Variants in AAK1 observed in about 807,000 individuals in gnomAD.
The protein encoded by AAK1 is AP2 associated kinase 1.
Under a neutral mutation model 116.0 loss-of-function variants are expected in AAK1, and 37 were observed. The ratio of observed to expected loss-of-function variants is 0.32; its 90% confidence interval spans 0.25 to 0.42. AAK1 has a LOEUF of 0.42. AAK1 is among the 10% of genes least tolerant of loss of function. The pLI is 1.00. For synonymous variants in AAK1, 458 were observed against 439.9 expected, an observed-to-expected ratio of 1.04 and a Z score of -0.51; for missense variants, 919 against 1,170.6, an observed-to-expected ratio of 0.79 and a Z score of 3.14.
intron 2 of AAK1, among the ~76,000 whole-genome samples, chr2:69,579,463 C>A (rs973722472): frequency 2.0e-5 from 3 of 152,150 alleles, no homozygotes; most frequent in Non-Finnish European, 4.4e-5. Context: ...CCTAGAGACC[C>A]AACTACTCAG....
intron 2 of AAK1, among the ~76,000 whole-genome samples, chr2:69,627,153 G>A (rs1355692259): frequency 6.6e-6 from 1 of 152,090 alleles, no homozygotes; most frequent in Non-Finnish European, 1.5e-5. Flanking sequence ...GCTAGGCGTG[G>A]TGGCGGGCGC....
At chr2:69,558,307 G>T (rs1671478614) in intron 2 of AAK1, among the ~76,000 whole-genome samples, 1 of 146,858 alleles carries the variant, frequency 6.8e-6, no homozygotes, top group South Asian at 2.1e-4. Flanking sequence ...CTGCGCCACT[G>T]AACTCCAGCC....
intron 10 of AAK1, among the ~76,000 whole-genome samples, chr2:69,523,485 T>C (rs1669879941): frequency 6.6e-6 from 1 of 152,262 alleles, no homozygotes; most frequent in Non-Finnish European, 1.5e-5. Context: ...AGGTGTTATT[T>C]GACTGTTCAA....
Position 69,643,084 on chromosome 2 carries a change from G to C in AAK1, c.-44C>G. On this transcript the variant is annotated 5_prime_UTR_variant, in exon 2 of 22. The change creates a new upstream start codon in the 5' untranslated region. Transcript: ENST00000409085. ...CAAAGCAAAATACCGATGGTTTCTA[G>C]ATTTTTTTTTTTTTTTTTTTTTTTT... is the stretch of plus-strand genomic sequence containing the variant. 2.8e-6 allele frequency: 3 copies of C among 1,057,318 alleles called. No homozygotes were observed. The highest frequency in any genetic ancestry group is 3.7e-6 in the Non-Finnish European group (3 of 820,812). 65.5% of individuals were successfully genotyped at this position (1,057,318 alleles called of 1,614,324 possible).
chr2:69,625,244 A>G (rs774543061), intron 2 of AAK1, among the ~76,000 whole-genome samples: 1 of 152,234 alleles, frequency 6.6e-6, no homozygotes, highest in African/African-American at 2.4e-5. Context: ...GATTAAAAGC[A>G]GCAAATTAGA....
At chr2:69,625,925 AATTCAACTCC>A (rs1674876168) in intron 2 of AAK1, among the ~76,000 whole-genome samples, 10 of 152,078 alleles carry the variant, frequency 6.6e-5, no homozygotes, top group Admixed American at 6.5e-4. Context: ...TCTTAAATCC[AATTCAACTCC>A]ATTCACAGCA....
At chr2:69,527,098 C>T (rs982339421) in intron 9 of AAK1, 118 bp downstream of exon 9, 1 of 704,552 alleles carries the variant, frequency 1.4e-6, no homozygotes, top group South Asian at 1.8e-5. Flanking sequence ...TGCTTGACTA[C>T]CCCCAGTAGA....
At chr2:69,494,650 C>G (rs949984427) in intron 17 of AAK1, among the ~76,000 whole-genome samples, 2 of 151,976 alleles carry the variant, frequency 1.3e-5, no homozygotes, top group Non-Finnish European at 2.9e-5. Flanking sequence ...TTCTAACCTT[C>G]TATTCAAAAT....
chr2:69,493,907 G>C (rs142834005), intron 17 of AAK1, among the ~76,000 whole-genome samples: 3 of 152,324 alleles, frequency 2.0e-5, no homozygotes, highest in Admixed American at 6.5e-5. Context: ...GGAAAGACAA[G>C]ATGGAGGGGA....
intron 2 of AAK1, among the ~76,000 whole-genome samples, chr2:69,591,517 C>CTTTTTTTTTTTTTTTTTTTTT (rs200675453): frequency 7.4e-6 from 1 of 135,062 alleles, no homozygotes; most frequent in African/African-American, 2.7e-5. Flanking sequence ...TTCTTTTTTT[C>CTTTTTTTTTTTTTTTTTTTTT]TTTTTCTTTT....
At chr2:69,597,127 A>G (rs926732607) in intron 2 of AAK1, among the ~76,000 whole-genome samples, 4 of 152,120 alleles carry the variant, frequency 2.6e-5, no homozygotes, top group Non-Finnish European at 4.4e-5. Context: ...CTTTAATCTC[A>G]TCTGAAATTC....
chr2:69,595,456 A>G (rs1673238738), intron 2 of AAK1, among the ~76,000 whole-genome samples: 1 of 152,214 alleles, frequency 6.6e-6, no homozygotes, highest in African/African-American at 2.4e-5. Flanking sequence ...TGATATGGAT[A>G]AAGTTTTAGT....
chr2:69,474,037 G>C lies in AAK1; in HGVS notation c.*1832C>G. ...CCTTTACCTAGCTCATCTTGTTTCA[G>C]CCAGCACGGGAAGTATTTAAAGACA... On this transcript the variant is annotated 3_prime_UTR_variant, in exon 22 of 22. Transcript: ENST00000409085. 1.0e-6 allele frequency: 1 copy of C among 985,846 alleles called. No individual in the cohort carries two copies. Among genetic ancestry groups the C allele is most frequent in the Non-Finnish European group, 1.2e-6 (1 of 829,934 alleles). The allele number at this position is 985,846 out of a possible 1,614,324, so 61.1% of individuals were successfully genotyped here.
intron 3 of AAK1, among the ~76,000 whole-genome samples, chr2:69,547,732 C>A (rs1377745510): frequency 6.6e-6 from 1 of 152,160 alleles, no homozygotes; most frequent in Non-Finnish European, 1.5e-5. Context: ...TATGACCTAG[C>A]AATTTCACCC....
chr2:69,610,184 A>G (rs1674017191), intron 2 of AAK1, among the ~76,000 whole-genome samples: 2 of 152,116 alleles, frequency 1.3e-5, no homozygotes, highest in Non-Finnish European at 2.9e-5. Context: ...TAAAATAGAG[A>G]TCCCAGAAAT....
In AAK1 at chr2:69,470,124, C is replaced by G. The variant is rs1438898703; in HGVS notation, c.*5745G>C. 4.1e-6 allele frequency: 4 copies of G among 985,318 alleles called. No homozygotes were observed. Among genetic ancestry groups the G allele is most frequent in the Non-Finnish European group, 3.6e-6 (3 of 829,954 alleles). 61.0% of individuals were successfully genotyped at this position (985,318 alleles called of 1,614,324 possible). ...AGACTTAAATGTCAGGCTGGATATTCCTTAATGAAATACATCACACAACAC... is the reference window on the plus strand; with the variant it reads ...AGACTTAAATGTCAGGCTGGATATTGCTTAATGAAATACATCACACAACAC... On this transcript the variant is annotated 3_prime_UTR_variant, in exon 22 of 22. Transcript: ENST00000409085.
intron 16 of AAK1, among the ~76,000 whole-genome samples, chr2:69,505,146 CA>C (rs1676136172): frequency 1.3e-5 from 2 of 152,148 alleles, no homozygotes; most frequent in African/African-American, 4.8e-5. Context: ...CACACACACA[CA>C]CACACACACA....
At position 69,474,339 on chromosome 2, in the gene AAK1, G is replaced by C. The variant is rs920438343; in HGVS notation, c.*1530C>G. 1.0e-6 allele frequency: 1 copy of C among 985,828 alleles called. No individual in the cohort carries two copies. The highest frequency in any genetic ancestry group is 1.2e-6 in the Non-Finnish European group (1 of 829,928). The allele number at this position is 985,828 out of a possible 1,614,324, so 61.1% of individuals were successfully genotyped here. A position where few individuals can be genotyped will look rare whatever the true frequency, so the allele number is the denominator to read the frequency against. ...CAATGGCACTAGAGGAAAAGAACAG[G>C]AGTGGGGTTCTCTGTGCCCACTTCT... On this transcript the variant is annotated 3_prime_UTR_variant, in exon 22 of 22. Coordinates refer to ENST00000409085, the MANE Select transcript of AAK1 (RefSeq NM_014911.5).
At chr2:69,630,341 G>C (rs1413084742) in intron 2 of AAK1, among the ~76,000 whole-genome samples, 8 of 60,226 alleles carry the variant, frequency 1.3e-4, no homozygotes, top group Admixed American at 4.0e-4. Context: ...GGCGGGGGGT[G>C]GGGGGGGAGG....
Sources: gnomAD v4.1 joint callset for allele counts (sites outside exome capture counted in the v4.1 genomes callset) on GRCh38, gnomAD v4.1.1 for gene constraint, MANE v1.5 for transcripts, NCBI Gene and HGNC (gene_info 2026-07-23, HGNC 2026-07-21) for gene names.